Variants in NRXN1 observed in about 807,000 individuals in gnomAD.
NRXN1 encodes the protein neurexin 1, also known as neurexin-1.
A neutral mutation model predicts 150.9 loss-of-function variants in NRXN1; 39 were observed. The ratio of observed to expected loss-of-function variants is 0.26; its 90% CI spans 0.20 to 0.34. NRXN1 has a LOEUF of 0.34. Among genes scored for constraint, NRXN1 ranks in the 10% least tolerant of loss-of-function variants. The probability of loss-of-function intolerance (pLI) is 1.00; values close to 1 mark genes in which losing one functional copy is unlikely to be tolerated. For synonymous variants in NRXN1, 924 were observed against 757.0 expected (o/e 1.22, Z -3.62); for missense variants, 1,815 against 1,949.9 (o/e 0.93, Z 1.30).
At chr2:50,187,613 T>C (rs1386320409) in intron 18 of NRXN1, among the ~76,000 whole-genome samples, 1 of 152,174 alleles carries the variant, frequency 6.6e-6, no homozygotes, top group Non-Finnish European at 1.5e-5. Flanking sequence ...GCAGAGTTTT[T>C]TTCTAATTCT....
intron 19 of NRXN1, among the ~76,000 whole-genome samples, chr2:50,076,706 GC>G (rs1180474716): frequency 6.6e-6 from 1 of 152,130 alleles, no homozygotes; most frequent in Non-Finnish European, 1.5e-5. Context: ...TATTCCTACA[GC>G]AATTTTAGTC....
intron 2 of NRXN1, chr2:51,026,248 T>A (rs1670446751): frequency 1.5e-6 from 1 of 683,252 alleles, no homozygotes; most frequent in East Asian, 2.7e-5. Flanking sequence ...TTTCACCCAT[T>A]TCAGCCACAA....
chr2:50,086,465 G>A lies in NRXN1; in HGVS notation c.3718+4858C>T, dbSNP rs573076908. Among the ~76,000 whole-genome samples, 7 of 152,128 alleles carry A rather than the reference G, an allele frequency of 4.6e-5. No homozygotes were observed. The South Asian group carries it at 1.5e-3, about 32-fold the overall frequency. ...GAGAAAAGATTTACACCATCTCTATGGAGTCTTAGAGCATTTCTCTCTTTC... is the reference window on the plus strand; with the variant it reads ...GAGAAAAGATTTACACCATCTCTATAGAGTCTTAGAGCATTTCTCTCTTTC... On this transcript the variant is annotated intron_variant, in intron 19 of 22. Transcript: ENST00000401669.
chr2:50,850,064 G>GA (rs901269469), intron 5 of NRXN1, among the ~76,000 whole-genome samples: 18 of 149,668 alleles, frequency 1.2e-4, no homozygotes, highest in South Asian at 8.4e-4. Context: ...AAAAATTAAA[G>GA]AAAAAAAAAT....
At chr2:50,683,157 A>AG (rs1559118977) in intron 5 of NRXN1, among the ~76,000 whole-genome samples, 3 of 152,012 alleles carry the variant, frequency 2.0e-5, no homozygotes, top group Non-Finnish European at 4.4e-5. Flanking sequence ...ATTACAAAGT[A>AG]ATCTACTTTG....
At chr2:50,560,723 C>T (rs1271815407) in intron 8 of NRXN1, among the ~76,000 whole-genome samples, 1 of 152,020 alleles carries the variant, frequency 6.6e-6, no homozygotes, top group Admixed American at 6.6e-5. Flanking sequence ...CAATTCTTAC[C>T]AGTAAGGAAA....
chr2:50,604,554 A>G (rs1676787962), intron 8 of NRXN1, among the ~76,000 whole-genome samples: 1 of 152,104 alleles, frequency 6.6e-6, no homozygotes, highest in Non-Finnish European at 1.5e-5. Flanking sequence ...CACATCATTT[A>G]TTATTTTACA....
At chr2:50,938,646 T>A (rs1428246167) in intron 2 of NRXN1, among the ~76,000 whole-genome samples, 2 of 152,136 alleles carry the variant, frequency 1.3e-5, no homozygotes, top group Non-Finnish European at 2.9e-5. Flanking sequence ...TCATAAAGAG[T>A]TTAAATTGAC....
At chr2:50,193,928 T>G (rs2061596136) in intron 18 of NRXN1, among the ~76,000 whole-genome samples, 1 of 152,200 alleles carries the variant, frequency 6.6e-6, no homozygotes, top group Non-Finnish European at 1.5e-5. Flanking sequence ...TAATGACTAT[T>G]ACACTACTAT....
At chr2:50,778,201 C>T (rs1703897301) in intron 5 of NRXN1, among the ~76,000 whole-genome samples, 1 of 152,102 alleles carries the variant, frequency 6.6e-6, no homozygotes, top group Admixed American at 6.5e-5. Context: ...GATGTAAAAA[C>T]AATGAGTCAT....
At chr2:50,272,009 C>A (rs60738023) in intron 17 of NRXN1, among the ~76,000 whole-genome samples, 3,467 of 152,010 alleles carry the variant, frequency 0.023, 124 homozygotes, top group African/African-American at 0.08. Context: ...TCACACAATC[C>A]CAAGGATAGA....
chr2:50,884,861 C>T (rs1262335373), intron 5 of NRXN1, among the ~76,000 whole-genome samples: 18 of 150,694 alleles, frequency 1.2e-4, no homozygotes, highest in South Asian at 1.0e-3. Flanking sequence ...TTTCTATAAA[C>T]GCAAAAGTAG....
At chr2:50,768,314 T>A (rs1453400670) in intron 5 of NRXN1, among the ~76,000 whole-genome samples, 2 of 152,030 alleles carry the variant, frequency 1.3e-5, no homozygotes, top group Admixed American at 1.3e-4. Flanking sequence ...TAATAACTAA[T>A]ATGACTTTAG....
At chr2:50,157,957 A>C (rs2059126403) in intron 18 of NRXN1, among the ~76,000 whole-genome samples, 1 of 151,518 alleles carries the variant, frequency 6.6e-6, no homozygotes, top group South Asian at 2.1e-4. Context: ...TGGATAGATG[A>C]AACCTTGGGA....
intron 18 of NRXN1, among the ~76,000 whole-genome samples, chr2:50,224,429 ACAGTAAGCAAT>A (rs1364159230): frequency 2.6e-5 from 4 of 151,988 alleles, no homozygotes; most frequent in African/African-American, 9.7e-5. Context: ...TGTGTGTTCC[ACAGTAAGCAAT>A]CAGTACACTC....
At chr2:50,462,587 C>CA (rs1270343764) in intron 17 of NRXN1, among the ~76,000 whole-genome samples, 2 of 151,830 alleles carry the variant, frequency 1.3e-5, no homozygotes, top group Non-Finnish European at 2.9e-5. Context: ...CACACACCTG[C>CA]ATATCCACAT....
chr2:50,403,677 C>T (rs967842665), intron 17 of NRXN1, among the ~76,000 whole-genome samples: 8 of 152,054 alleles, frequency 5.3e-5, no homozygotes, highest in Admixed American at 4.6e-4. Context: ...TATTATGCTA[C>T]TTTAAAATTT....
At chr2:50,719,404 T>G (rs1302071390) in intron 5 of NRXN1, among the ~76,000 whole-genome samples, 1 of 152,054 alleles carries the variant, frequency 6.6e-6, no homozygotes, top group African/African-American at 2.4e-5. Flanking sequence ...CTGGGTGCGG[T>G]GGCTCATGGA....
intron 2 of NRXN1, among the ~76,000 whole-genome samples, chr2:50,937,884 C>A (rs1458084497): frequency 1.3e-5 from 2 of 152,062 alleles, no homozygotes; most frequent in Non-Finnish European, 2.9e-5. Flanking sequence ...CTTGTGCAAG[C>A]ATAATAGGGT....
Sources: gnomAD v4.1 joint callset for allele counts (sites outside exome capture counted in the v4.1 genomes callset) on GRCh38, gnomAD v4.1.1 for gene constraint, MANE v1.5 for transcripts, NCBI Gene and HGNC (gene_info 2026-07-23, HGNC 2026-07-21) for gene names.